Variants in COL24A1 observed in about 807,000 individuals in gnomAD.
COL24A1 encodes the protein collagen type XXIV alpha 1 chain.
A neutral mutation model predicts 253.9 loss-of-function variants in COL24A1; 224 were observed. The observed-to-expected ratio is 0.88, with a 90% CI of 0.79 to 0.99. The LOEUF (loss-of-function observed/expected upper bound fraction) is 0.99, where lower values mean the gene tolerates loss of function less well. Among genes scored for constraint, COL24A1 ranks in the 50% least tolerant of loss-of-function variants. The probability of loss-of-function intolerance (pLI) is 0.00; values close to 1 mark genes in which losing one functional copy is unlikely to be tolerated. For missense variants in COL24A1, 2,131 were observed against 2,068.5 expected (o/e 1.03, Z -0.59); for synonymous variants, 685 against 673.7 (o/e 1.02, Z -0.26).
At chr1:86,060,593 TC>T (rs543407936) in intron 8 of COL24A1, among the ~76,000 whole-genome samples, 121 of 152,218 alleles carry the variant, frequency 7.9e-4, no homozygotes, top group African/African-American at 2.8e-3. Context: ...CTCACTTTTT[TC>T]CCTCTCATTT....
intron 39 of COL24A1, among the ~76,000 whole-genome samples, chr1:85,843,656 G>A (rs956690940): frequency 2.6e-5 from 4 of 152,118 alleles, no homozygotes; most frequent in African/African-American, 9.7e-5. Flanking sequence ...AATTTCAAAT[G>A]CTGAAATCAA....
intron 5 of COL24A1, among the ~76,000 whole-genome samples, chr1:86,103,613 A>C (rs1456638638): frequency 1.3e-5 from 2 of 152,182 alleles, no homozygotes; most frequent in Non-Finnish European, 2.9e-5. Context: ...TTGTCTGAAA[A>C]GGATCTTATT....
chr1:86,027,614 C>G (rs545487950), intron 14 of COL24A1, among the ~76,000 whole-genome samples: 1 of 152,316 alleles, frequency 6.6e-6, no homozygotes, highest in East Asian at 1.9e-4. Flanking sequence ...TCAGGAAATG[C>G]CTGGATGTCC....
rs12410754 is a variant in COL24A1, at chr1:85,882,652, C to T, written c.2977-5477G>A. ...CTAGTTGACTTACGGTACTAACTCT[C>T]TCTTGACTAATTTTCTGCCTGCTGG... On this transcript the variant is annotated intron_variant, in intron 32 of 59. Transcript: ENST00000370571. Among the ~76,000 whole-genome samples the T allele has an allele frequency of 7.5e-3, 1,145 of 152,200 alleles. 29 individuals are homozygous for T. The highest frequency in any genetic ancestry group is 0.051 in the East Asian group (263 of 5,160).
chr1:85,964,508 T>A (rs954627093), intron 23 of COL24A1, among the ~76,000 whole-genome samples: 32 of 152,162 alleles, frequency 2.1e-4, no homozygotes, highest in Admixed American at 4.6e-4. Context: ...TTGCCCTGTA[T>A]GTAACACACA....
intron 19 of COL24A1, among the ~76,000 whole-genome samples, chr1:86,008,721 A>G (rs962121487): frequency 3.3e-5 from 5 of 152,288 alleles, no homozygotes; most frequent in African/African-American, 9.6e-5. Context: ...TGAAAATTAC[A>G]TGATAGCATG....
chr1:85,868,686 T>C, intron 36 of COL24A1, 60 bp from the exon 37 acceptor site: 1 of 1,512,146 alleles, frequency 6.6e-7, no homozygotes, highest in Non-Finnish European at 9.1e-7. Flanking sequence ...ATGCCAATAA[T>C]AAACAGGTTT....
chr1:86,121,662 C>T (rs1647375736), intron 3 of COL24A1, among the ~76,000 whole-genome samples: 2 of 151,924 alleles, frequency 1.3e-5, no homozygotes, highest in Admixed American at 6.6e-5. Flanking sequence ...TAAATGAGTT[C>T]ACACAAAATG....
At chr1:85,921,743 A>G (rs1686524392) in intron 24 of COL24A1, among the ~76,000 whole-genome samples, 1 of 152,156 alleles carries the variant, frequency 6.6e-6, no homozygotes, top group African/African-American at 2.4e-5. Context: ...TAAAAATTCC[A>G]CAGAGTGCCT....
intron 19 of COL24A1, among the ~76,000 whole-genome samples, chr1:85,997,902 G>C (rs1344134167): frequency 2.0e-5 from 3 of 152,150 alleles, no homozygotes; most frequent in African/African-American, 7.2e-5. Context: ...CAGAAGCCTA[G>C]AGTTGCCAAT....
intron 55 of COL24A1, among the ~76,000 whole-genome samples, chr1:85,759,757 T>A (rs1274207867): frequency 6.6e-6 from 1 of 152,200 alleles, no homozygotes; most frequent in Non-Finnish European, 1.5e-5. Context: ...TCTCATGTCT[T>A]ACTCTATTTT....
At chr1:86,148,626 T>A (rs1461534012) in intron 1 of COL24A1, among the ~76,000 whole-genome samples, 7 of 152,126 alleles carry the variant, frequency 4.6e-5, no homozygotes, top group Non-Finnish European at 8.8e-5. Flanking sequence ...TGTGGTAGTT[T>A]ACTGAGAATG....
Position 85,737,507 on chromosome 1 carries a change from T to G in COL24A1, c.4673-2A>C, listed in dbSNP as rs1488737207. 4.4e-6 allele frequency: 7 copies of G among 1,580,434 alleles called. No individual in the cohort carries two copies. The highest frequency in any genetic ancestry group is 2.7e-5 in the African/African-American group (2 of 73,276). On this transcript the variant is annotated splice_acceptor_variant, in intron 57 of 59. Coordinates refer to ENST00000370571, the MANE Select transcript of COL24A1 (RefSeq NM_152890.7). LOFTEE classifies it high-confidence loss of function. Reference sequence around the variant, plus strand: ...GATTTGGGTCAATCCAGTATTTTCCTAATAATTTATAGTAAAACATAAAGT... The same window carrying G: ...GATTTGGGTCAATCCAGTATTTTCCGAATAATTTATAGTAAAACATAAAGT...
chr1:85,818,834 A>T (rs1443473715), intron 45 of COL24A1, among the ~76,000 whole-genome samples: 1 of 152,228 alleles, frequency 6.6e-6, no homozygotes, highest in African/African-American at 2.4e-5. Context: ...TTTCTCAGAA[A>T]TCATCAGAAG....
chr1:86,125,133 T>C lies in COL24A1; in HGVS notation c.1203A>G (p.Lys401=), dbSNP rs1004081367. 7.4e-6 allele frequency: 12 copies of C among 1,613,394 alleles called. No homozygotes were observed. In the African/African-American group the frequency reaches 1.3e-4, roughly 18 times the overall value. The part of the protein sequence containing the change: ...KKMPSILPQI[K]QDTITNLKKA... ...TCTTGAGATTAGTAATTGTATCTTG[T>C]TTAATTTGTGGAAGAATAGATGGCA... Residue 401 remains lysine, a synonymous_variant, in exon 3 of 60, where the codon AAA becomes AAG. Coordinates refer to ENST00000370571, the MANE Select transcript of COL24A1 (RefSeq NM_152890.7).
intron 6 of COL24A1, among the ~76,000 whole-genome samples, chr1:86,091,274 G>A (rs1703472785): frequency 6.6e-6 from 1 of 151,670 alleles, no homozygotes; most frequent in African/African-American, 2.4e-5. Flanking sequence ...TTGTATACCA[G>A]TAAAAAATTT....
intron 55 of COL24A1, among the ~76,000 whole-genome samples, chr1:85,757,841 A>G (rs1318126388): frequency 6.6e-6 from 1 of 152,198 alleles, no homozygotes; most frequent in Non-Finnish European, 1.5e-5. Flanking sequence ...ATCGAAGTAT[A>G]AATCTCTCAT....
chr1:85,738,778 A>C (rs1664318930), intron 57 of COL24A1, among the ~76,000 whole-genome samples: 1 of 152,136 alleles, frequency 6.6e-6, no homozygotes, highest in South Asian at 2.1e-4. Context: ...ACATCCTCAA[A>C]TATTCTCCTC....
chr1:85,744,610 C>T (rs1034966465), intron 57 of COL24A1, 56 bp downstream of exon 57: 205 of 1,434,078 alleles, frequency 1.4e-4, no homozygotes, highest in Non-Finnish European at 1.8e-4. Flanking sequence ...ATCTCAAACA[C>T]ACTGAAATGA....
Sources: allele counts gnomAD v4.1 joint callset (sites outside exome capture counted in the v4.1 genomes callset), GRCh38; gene constraint gnomAD v4.1.1; transcripts MANE v1.5; gene names NCBI Gene and HGNC (gene_info 2026-07-23, HGNC 2026-07-21).